Variants in DPH6 observed in about 807,000 individuals in gnomAD.
DPH6 encodes diphthine--ammonia ligase.
DPH6 carries 33 observed loss-of-function variants against 38.2 expected under a neutral mutation model. The ratio of observed to expected loss-of-function variants is 0.86; its 90% confidence interval spans 0.65 to 1.15. The LOEUF (loss-of-function observed/expected upper bound fraction) is 1.15, where lower values mean the gene tolerates loss of function less well. Ranked by LOEUF, DPH6 falls within the 50% of genes most tolerant of loss-of-function variation. The probability of loss-of-function intolerance (pLI) is 0.00; values close to 1 mark genes in which losing one functional copy is unlikely to be tolerated. For missense variants in DPH6, 325 were observed against 320.0 expected, an observed-to-expected ratio of 1.02 and a Z score of -0.12; for synonymous variants, 108 against 103.0, an observed-to-expected ratio of 1.05 and a Z score of -0.30.
chr15:35,489,693 G>C (rs1187856716), intron 3 of DPH6: 1 of 972,168 alleles, frequency 1.0e-6, no homozygotes, highest in Non-Finnish European at 1.2e-6. Flanking sequence ...GATCTCTTTT[G>C]TCTAATAATA....
At chr15:35,363,633 G>A (rs1011141777) in intron 3 of DPH6, among the ~76,000 whole-genome samples, 6 of 151,806 alleles carry the variant, frequency 4.0e-5, no homozygotes, top group African/African-American at 1.4e-4. Context: ...TGATATATTT[G>A]CACTTAAATA....
chr15:35,484,582 C>T (rs556408346), intron 3 of DPH6, among the ~76,000 whole-genome samples: 1 of 152,182 alleles, frequency 6.6e-6, no homozygotes, highest in Non-Finnish European at 1.5e-5. Flanking sequence ...ACCCCTCCAT[C>T]GGGAAGCTTA....
At chr15:35,483,127 TAA>T (rs2054349052) in intron 3 of DPH6, among the ~76,000 whole-genome samples, 1 of 151,908 alleles carries the variant, frequency 6.6e-6, no homozygotes. Context: ...AATAAGTATA[TAA>T]AAAGATACTC....
At chr15:35,171,199 T>G in the DPH6 span, among the ~76,000 whole-genome samples, 2 of 152,212 alleles carry the variant, frequency 1.3e-5, no homozygotes, top group Admixed American at 6.5e-5. Flanking sequence ...GCAAAATGCT[T>G]CCTTTTAAAT....
chr15:35,278,014 A>T (rs537544230), intron 3 of DPH6, among the ~76,000 whole-genome samples: 1 of 152,334 alleles, frequency 6.6e-6, no homozygotes, highest in South Asian at 2.1e-4. Flanking sequence ...AAAGGAATAC[A>T]AGCAGATTGT....
intron 3 of DPH6, among the ~76,000 whole-genome samples, chr15:35,259,275 T>C (rs921501372): frequency 3.9e-5 from 6 of 152,214 alleles, no homozygotes; most frequent in Admixed American, 1.3e-4. Context: ...TACCACACTT[T>C]TCTTGAAACC....
chr15:35,436,397 C>G (rs952526988), intron 5 of DPH6, among the ~76,000 whole-genome samples: 1 of 151,602 alleles, frequency 6.6e-6, no homozygotes, highest in Admixed American at 6.6e-5. Context: ...ACCAGGGAGG[C>G]GGAGCTTGCA....
intron 7 of DPH6, among the ~76,000 whole-genome samples, chr15:35,378,369 A>C (rs1055674822): frequency 6.6e-6 from 1 of 152,208 alleles, no homozygotes. Flanking sequence ...ACAATTTTAC[A>C]CTGTTGGTGG....
chr15:35,183,423 T>G, the DPH6 span, among the ~76,000 whole-genome samples: 2 of 152,220 alleles, frequency 1.3e-5, no homozygotes, highest in Non-Finnish European at 2.9e-5. Flanking sequence ...TGATTTTTGA[T>G]GTTTCTTTAC....
intron 3 of DPH6, among the ~76,000 whole-genome samples, chr15:35,246,758 A>G (rs2051640229): frequency 6.6e-6 from 1 of 152,206 alleles, no homozygotes. Context: ...TGTAGGAGGC[A>G]TGGCTCAGAC....
intron 5 of DPH6, among the ~76,000 whole-genome samples, chr15:35,420,877 CAG>C (rs1374619396): frequency 3.9e-5 from 6 of 152,096 alleles, no homozygotes; most frequent in African/African-American, 1.4e-4. Flanking sequence ...CTAAGAAAAA[CAG>C]GGGCAGGACT....
At chr15:35,300,198 G>A (rs1489618433) in intron 3 of DPH6, among the ~76,000 whole-genome samples, 1 of 152,194 alleles carries the variant, frequency 6.6e-6, no homozygotes, top group Non-Finnish European at 1.5e-5. Flanking sequence ...ATGAAAAAAT[G>A]GTAGGAGATG....
chr15:35,466,557 T>C (rs1352867380), intron 3 of DPH6, among the ~76,000 whole-genome samples: 6 of 152,176 alleles, frequency 3.9e-5, no homozygotes, highest in Non-Finnish European at 8.8e-5. Flanking sequence ...AAAAATCGTT[T>C]ATGTAAAATT....
Position 35,371,850 on chromosome 15 carries a change from A to G in DPH6, c.*300T>C, listed in dbSNP as rs1391039748. 1.9e-6 allele frequency: 2 copies of G among 1,054,174 alleles called. No individual in the cohort carries two copies. The highest frequency in any genetic ancestry group is 4.5e-4 in the Middle Eastern group (1 of 2,226). 65.3% of individuals were successfully genotyped at this position (1,054,174 alleles called of 1,614,324 possible). On this transcript the variant is annotated 3_prime_UTR_variant, in exon 9 of 9. Coordinates refer to ENST00000256538, the MANE Select transcript of DPH6 (RefSeq NM_080650.4). ...AGGAAAAGAAACTAGTGTGATAAAA[A>G]AAGAAATGCTACAGAAATGGGGTTT...
Position 35,462,875 on chromosome 15 carries a change from A to C in DPH6, c.313-8055T>G, listed in dbSNP as rs189819437. On this transcript the variant is annotated intron_variant, in intron 3 of 8. Transcript: ENST00000256538. ...ATAACTGAATGATGTGGACTACATA[A>C]AATTACAGTATTTCTGTACTTAAAC... 3.2e-4 allele frequency among the ~76,000 whole-genome samples: 48 copies of C among 152,290 alleles called. No individual in the cohort carries two copies. The Middle Eastern group carries it at 0.034, about 108-fold the overall frequency.
chr15:35,233,192 C>T (rs1465728782), intron 3 of DPH6, among the ~76,000 whole-genome samples: 1 of 152,042 alleles, frequency 6.6e-6, no homozygotes, highest in African/African-American at 2.4e-5. Flanking sequence ...ACCTGTAATC[C>T]CAGCTACTCG....
intron 7 of DPH6, among the ~76,000 whole-genome samples, chr15:35,381,115 C>T (rs11638354): frequency 0.33 from 50,486 of 151,896 alleles, 9,379 homozygotes; most frequent in African/African-American, 0.5. Context: ...GTTAGAAATA[C>T]TGAAGCCTTC....
At chr15:35,426,073 A>G (rs1457322200) in intron 5 of DPH6, among the ~76,000 whole-genome samples, 2 of 151,400 alleles carry the variant, frequency 1.3e-5, no homozygotes, top group Non-Finnish European at 3.0e-5. Flanking sequence ...ACTTAAGGAA[A>G]GACTGTATCA....
rs550277161 is a variant in DPH6, at chr15:35,260,358, G to A, written n.201-39776C>T. 6.6e-3 allele frequency among the ~76,000 whole-genome samples: 1,010 copies of A among 151,962 alleles called. 3 individuals carry two copies. Among genetic ancestry groups the A allele is most frequent in the Non-Finnish European group, 0.012 (807 of 67,956 alleles). ...CCTGACCTCGTGATCCACCCACCTC[G>A]GCCTCCCAAAGTGTTCGGATTACAG... On this transcript the variant is annotated intron_variant and non_coding_transcript_variant, in intron 3 of 3. Transcript: ENST00000560386.
Sources: allele counts gnomAD v4.1 joint callset (sites outside exome capture counted in the v4.1 genomes callset), GRCh38; gene constraint gnomAD v4.1.1; transcripts MANE v1.5; gene names NCBI Gene and HGNC (gene_info 2026-07-23, HGNC 2026-07-21).